The following UNC5C variants were observed in gnomAD, a reference collection of about 807,000 sequenced individuals.
UNC5C encodes the protein unc-5 netrin receptor C.
A neutral mutation model predicts 99.8 loss-of-function variants in UNC5C; 47 were observed. The observed-to-expected ratio is 0.47, with a 90% confidence interval of 0.37 to 0.60. The LOEUF is 0.60. Ranked by LOEUF, UNC5C falls within the 20% of genes least tolerant of loss-of-function variation. The pLI is 0.00. For missense variants in UNC5C, 1,062 were observed against 1,165.9 expected (o/e 0.91, Z 1.30); for synonymous variants, 487 against 452.2 (o/e 1.08, Z -0.98).
intron 4 of UNC5C, among the ~76,000 whole-genome samples, chr4:95,261,878 T>C (rs28647739): frequency 0.11 from 16,958 of 152,114 alleles, 1,295 homozygotes; most frequent in Admixed American, 0.27. Flanking sequence ...TAATTTTTTC[T>C]ATTTTTACTA....
At position 95,219,048 on chromosome 4, in the gene UNC5C, T is replaced by G. The variant is rs748438564; in HGVS notation, c.1566A>C (p.Leu522=). 50 of 1,614,204 alleles carry G rather than the reference T, an allele frequency of 3.1e-5. No homozygotes were observed. The South Asian group carries it at 5.4e-4, about 17-fold the overall frequency. ...TACAGGATGGATCAGTCTGCCTTGC[T>G]AGACTCTGGTTCTTCAGGCTGAGGG... ...NEALSLKNQS[L]ARQTDPSCTA... Residue 522 remains leucine (L), a synonymous_variant, in exon 9 of 16, where the codon CTA becomes CTC. Coordinates refer to ENST00000453304, the MANE Select transcript of UNC5C (RefSeq NM_003728.4).
intron 1 of UNC5C, among the ~76,000 whole-genome samples, chr4:95,411,114 A>C (rs1745974242): frequency 6.6e-6 from 1 of 152,188 alleles, no homozygotes; most frequent in South Asian, 2.1e-4. Flanking sequence ...AATTTCAAAG[A>C]AAACACATGC....
intron 14 of UNC5C, among the ~76,000 whole-genome samples, chr4:95,178,481 TATCA>T (rs372418025): frequency 3.9e-5 from 6 of 152,128 alleles, no homozygotes; most frequent in Admixed American, 2.0e-4. Flanking sequence ...GGTGAGAGTA[TATCA>T]ATCAATCAAT....
intron 6 of UNC5C, 89 bp from the exon 7 acceptor site, chr4:95,242,682 AAACAAG>A: frequency 7.3e-7 from 1 of 1,362,320 alleles, no homozygotes; most frequent in Non-Finnish European, 9.8e-7. Flanking sequence ...CAACAAAACA[AAACAAG>A]AACAAGCATG....
intron 1 of UNC5C, among the ~76,000 whole-genome samples, chr4:95,402,524 T>C (rs1332975679): frequency 6.6e-6 from 1 of 152,174 alleles, no homozygotes; most frequent in African/African-American, 2.4e-5. Flanking sequence ...ATCACACAGA[T>C]AAATAGGAGA....
chr4:95,449,522 A>G (rs1326600193), intron 1 of UNC5C, among the ~76,000 whole-genome samples: 1 of 152,226 alleles, frequency 6.6e-6, no homozygotes, highest in African/African-American at 2.4e-5. Flanking sequence ...AATAACAAAA[A>G]TCTTTTTCTC....
chr4:95,421,989 T>G (rs1046323367), intron 1 of UNC5C, among the ~76,000 whole-genome samples: 1 of 152,238 alleles, frequency 6.6e-6, no homozygotes, highest in Non-Finnish European at 1.5e-5. Context: ...TAGCAAAAGA[T>G]CTGTGGTAAC....
chr4:95,304,810 A>G (rs1742001332), intron 2 of UNC5C, among the ~76,000 whole-genome samples: 1 of 152,192 alleles, frequency 6.6e-6, no homozygotes, highest in South Asian at 2.1e-4. Flanking sequence ...TTACAACCAC[A>G]TCCAAATATT....
chr4:95,219,529 G>T (rs762498499), intron 8 of UNC5C, among the ~76,000 whole-genome samples: 17 of 152,138 alleles, frequency 1.1e-4, no homozygotes, highest in Non-Finnish European at 2.5e-4. Flanking sequence ...TCTATAATTT[G>T]CTTTGATGTC....
At chr4:95,391,590 A>G (rs960786839) in intron 1 of UNC5C, among the ~76,000 whole-genome samples, 1 of 152,118 alleles carries the variant, frequency 6.6e-6, no homozygotes, top group African/African-American at 2.4e-5. Flanking sequence ...TCCACTGTCA[A>G]TACCACATTT....
intron 1 of UNC5C, among the ~76,000 whole-genome samples, chr4:95,491,145 C>T (rs1721479104): frequency 6.6e-6 from 1 of 150,836 alleles, no homozygotes. Flanking sequence ...AATGACGGGC[C>T]AAAAAAGTGG....
Position 95,162,717 on chromosome 4 carries a change from C to T in UNC5C, c.*6517G>A, listed in dbSNP as rs1198296516. 6.6e-6 allele frequency: 1 copy of T among 152,152 alleles called. No individual in the cohort carries two copies. Among genetic ancestry groups the T allele is most frequent in the Non-Finnish European group, 1.5e-5 (1 of 68,042 alleles). 9.4% of individuals were successfully genotyped at this position (152,152 alleles called of 1,614,324 possible). ...AGGCGCCGGACAGATATCCGGAGGG[C>T]ACTCTGCCTCTGCCGGGGGGTTTTT... On this transcript the variant is annotated 3_prime_UTR_variant, in exon 16 of 16. Transcript: ENST00000453304.
chr4:95,308,504 G>A (rs1278966004), intron 2 of UNC5C, among the ~76,000 whole-genome samples: 1 of 151,972 alleles, frequency 6.6e-6, no homozygotes, highest in African/African-American at 2.4e-5. Context: ...TGTAATCCCA[G>A]CACTTTGGGA....
intron 1 of UNC5C, among the ~76,000 whole-genome samples, chr4:95,372,614 T>G (rs997657380): frequency 5.9e-5 from 9 of 152,242 alleles, no homozygotes; most frequent in East Asian, 3.8e-4. Context: ...TTAGTTTCTT[T>G]GGCCCTGTTT....
chr4:95,425,240 C>A (rs1362616388), intron 1 of UNC5C, among the ~76,000 whole-genome samples: 1 of 152,216 alleles, frequency 6.6e-6, no homozygotes, highest in African/African-American at 2.4e-5. Flanking sequence ...TACACAAATT[C>A]TTCTAATGAA....
At chr4:95,368,183 T>C (rs1050680926) in intron 1 of UNC5C, among the ~76,000 whole-genome samples, 2 of 152,126 alleles carry the variant, frequency 1.3e-5, no homozygotes, top group African/African-American at 4.8e-5. Flanking sequence ...AAATGAGTAG[T>C]TCAATTCAAT....
chr4:95,363,861 C>T (rs1744470893), intron 1 of UNC5C, among the ~76,000 whole-genome samples: 1 of 152,102 alleles, frequency 6.6e-6, no homozygotes, highest in South Asian at 2.1e-4. Context: ...TAGCATCAGC[C>T]CTAGGCTTGG....
intron 1 of UNC5C, among the ~76,000 whole-genome samples, chr4:95,369,410 G>C (rs1744679619): frequency 6.6e-6 from 1 of 151,740 alleles, no homozygotes; most frequent in Admixed American, 6.6e-5. Flanking sequence ...AAATTAGCTG[G>C]GTGTGGTGGT....
At position 95,409,004 on chromosome 4, in the gene UNC5C, G is replaced by A. The variant is rs186656071; in HGVS notation, c.125-73373C>T. 7.7e-4 allele frequency among the ~76,000 whole-genome samples: 117 copies of A among 152,260 alleles called. 3 individuals carry two copies. The East Asian group carries it at 0.022, about 29-fold the overall frequency. ...ACCCATGATCCGAATTTACAAAGAG[G>A]CAGGTGAAGTACACAGTTTGACAAG... On this transcript the variant is annotated intron_variant, in intron 1 of 15. Transcript: ENST00000453304.
Sources: allele counts gnomAD v4.1 joint callset (sites outside exome capture counted in the v4.1 genomes callset), GRCh38; gene constraint gnomAD v4.1.1; transcripts MANE v1.5; gene names NCBI Gene and HGNC (gene_info 2026-07-23, HGNC 2026-07-21).